Variants in MAP1LC3B observed in about 807,000 individuals in gnomAD.
MAP1LC3B encodes microtubule associated protein 1 light chain 3 beta, also known as microtubule-associated protein 1 light chain 3 beta.
MAP1LC3B carries 12 observed loss-of-function variants against 16.7 expected under a neutral mutation model. The ratio of observed to expected loss-of-function variants is 0.72; its 90% CI spans 0.46 to 1.16. MAP1LC3B has a LOEUF of 1.16. Among genes scored for constraint, MAP1LC3B ranks in the 50% most tolerant of loss-of-function variants. The pLI is 0.00. For synonymous variants in MAP1LC3B, 63 were observed against 56.5 expected, an observed-to-expected ratio of 1.11 and a Z score of -0.51; for missense variants, 155 against 159.5, an observed-to-expected ratio of 0.97 and a Z score of 0.15.
In MAP1LC3B at chr16:87,392,388, C is replaced by T. The variant is rs1202703511; in HGVS notation, c.-40C>T. ...GCCGCCCCCGGGAGCCGCCGGGACCCTCGCGTCGTCGCCGCCGCCGCCGCC... is the reference window on the plus strand; with the variant it reads ...GCCGCCCCCGGGAGCCGCCGGGACCTTCGCGTCGTCGCCGCCGCCGCCGCC... On this transcript the variant is annotated 5_prime_UTR_variant, in exon 1 of 4. Coordinates refer to ENST00000268607, the MANE Select transcript of MAP1LC3B (RefSeq NM_022818.5). The T allele has an allele frequency of 2.8e-6, 4 of 1,411,850 alleles. No individual in the cohort carries two copies. Among genetic ancestry groups the T allele is most frequent in the East Asian group, 6.2e-5 (2 of 32,338 alleles). 87.5% of individuals were successfully genotyped at this position (1,411,850 alleles called of 1,614,324 possible).
chr16:87,403,063 C>T lies in MAP1LC3B; in HGVS notation c.344C>T (p.Ser115Phe), dbSNP rs1908052291. 1.9e-6 allele frequency: 3 copies of T among 1,612,908 alleles called. No individual in the cohort carries two copies. The highest frequency in any genetic ancestry group is 1.1e-5 in the South Asian group (1 of 90,588). The stretch of plus-strand genomic sequence containing the variant: ...GGATTCCTGTACATGGTCTATGCCT[C>T]CCAGGAGACGTTCGGGATGAAATTG... ...EDGFLYMVYA[S>F]QETFGMKLSV Residue 115 changes from serine to phenylalanine, a missense_variant, in exon 4 of 4, where the codon TCC (serine) becomes TTC (phenylalanine). By Grantham distance (155) the Ser-to-Phe change is radical. Coordinates refer to ENST00000268607, the MANE Select transcript of MAP1LC3B (RefSeq NM_022818.5).
intron 2 of MAP1LC3B, among the ~76,000 whole-genome samples, chr16:87,401,631 C>T (rs956536966): frequency 2.6e-5 from 4 of 152,118 alleles, no homozygotes; most frequent in African/African-American, 9.7e-5. Context: ...CTCCTAGGTT[C>T]AAGCTTGTCT....
intron 1 of MAP1LC3B, 114 bp downstream of exon 1, chr16:87,392,581 G>A (rs1293717658): frequency 3.0e-6 from 3 of 996,560 alleles, no homozygotes; most frequent in Non-Finnish European, 2.5e-6. Flanking sequence ...GCCGAGCGGG[G>A]CCGGTGGCTG....
At chr16:87,393,007 C>T (rs1352031242) in intron 1 of MAP1LC3B, 2 of 152,208 alleles carry the variant, frequency 1.3e-5, no homozygotes, top group Admixed American at 6.5e-5. Context: ...GACCTCAGTG[C>T]CTCGGTCGAG....
chr16:87,403,492 A>G lies in MAP1LC3B; in HGVS notation c.*395A>G, dbSNP rs1820245. On this transcript the variant is annotated 3_prime_UTR_variant, in exon 4 of 4. Coordinates refer to ENST00000268607, the MANE Select transcript of MAP1LC3B (RefSeq NM_022818.5). Reference sequence around the variant, plus strand: ...CCTGAGTCTTCTCTTCAGGTTCACAAAACCCGCCGCCTTTTTGGGTAGAAG... The same window carrying G: ...CCTGAGTCTTCTCTTCAGGTTCACAGAACCCGCCGCCTTTTTGGGTAGAAG... 0.99 allele frequency: 164,285 copies of G among 166,338 alleles called. 81,170 individuals carry two copies. The highest frequency in any genetic ancestry group is 1 in the East Asian group (5,428 of 5,428). 10.3% of individuals were successfully genotyped at this position (166,338 alleles called of 1,614,324 possible). A position where few individuals can be genotyped will look rare whatever the true frequency, so the allele number is the denominator to read the frequency against.
chr16:87,395,323 C>T (rs189759467), intron 1 of MAP1LC3B, among the ~76,000 whole-genome samples: 3 of 152,240 alleles, frequency 2.0e-5, no homozygotes, highest in Non-Finnish European at 2.9e-5. Flanking sequence ...AGCTTTCATT[C>T]AGTTGTTGAT....
rs767766144 is a variant in MAP1LC3B, at chr16:87,403,658, TA to T, written c.*564del. On this transcript the variant is annotated 3_prime_UTR_variant, in exon 4 of 4. Transcript: ENST00000268607. ...CTGTGTGAGAAAACGGCCCTGACTGTAAACTGCTGAAGGTCCCTGACTCCTA... is the reference window on the plus strand; with the variant it reads ...CTGTGTGAGAAAACGGCCCTGACTGTAACTGCTGAAGGTCCCTGACTCCTA... 1 of 152,510 alleles carries T rather than the reference TA, an allele frequency of 6.6e-6. No individual in the cohort carries two copies. The highest frequency in any genetic ancestry group is 1.5e-5 in the Non-Finnish European group (1 of 68,286). The allele number at this position is 152,510 out of a possible 1,614,324, so 9.4% of individuals were successfully genotyped here.
At chr16:87,399,797 G>A (rs150643817) in intron 2 of MAP1LC3B, 5,983 of 303,558 alleles carry the variant, frequency 0.02, 99 homozygotes, top group Admixed American at 0.05. Flanking sequence ...ATTTTGAGAC[G>A]GAGTCTTGCT....
chr16:87,397,233 G>C (rs1401905926), intron 1 of MAP1LC3B, among the ~76,000 whole-genome samples: 3 of 152,224 alleles, frequency 2.0e-5, no homozygotes, highest in Admixed American at 2.0e-4. Flanking sequence ...ATGTATCTTA[G>C]AAGCTGATTT....
Position 87,403,017 on chromosome 16 carries a change from G to C in MAP1LC3B, c.298G>C (p.Glu100Gln). ...SVSTPISEVY[E>Q]SEKDEDGFLY... ...CTCCACACCAATCTCAGAGGTGTAT[G>C]AGAGTGAGAAAGATGAAGATGGATT... Residue 100 changes from glutamate (E) to glutamine (Q), a missense_variant, in exon 4 of 4, where the codon GAG (glutamate) becomes CAG (glutamine). Physicochemically the swap from Glu to Gln is conservative, Grantham distance 29. Transcript: ENST00000268607. 2.5e-6 allele frequency: 4 copies of C among 1,614,158 alleles called. No individual in the cohort carries two copies. The highest frequency in any genetic ancestry group is 3.4e-6 in the Non-Finnish European group (4 of 1,179,996).
chr16:87,403,251 T>C lies in MAP1LC3B; in HGVS notation c.*154T>C, dbSNP rs1908061456. On this transcript the variant is annotated 3_prime_UTR_variant, in exon 4 of 4. Coordinates refer to ENST00000268607, the MANE Select transcript of MAP1LC3B (RefSeq NM_022818.5). ...AGTGTTAGGAAGTTGTGTTTGTGTT[T>C]CAAGCAGAAAAACTGAGCTCCAAGT... The C allele has an allele frequency of 7.6e-6, 6 of 789,918 alleles. No homozygotes were observed. Among genetic ancestry groups the C allele is most frequent in the Non-Finnish European group, 1.2e-5 (6 of 521,560 alleles). 48.9% of individuals were successfully genotyped at this position (789,918 alleles called of 1,614,324 possible).
chr16:87,392,978 G>A, intron 1 of MAP1LC3B: 1 of 152,446 alleles, frequency 6.6e-6, no homozygotes, highest in Non-Finnish European at 1.5e-5. Flanking sequence ...AGCCCGCCCG[G>A]GTGCGAGTGC....
At chr16:87,401,940 C>G (rs1226943405) in intron 2 of MAP1LC3B, among the ~76,000 whole-genome samples, 2 of 152,078 alleles carry the variant, frequency 1.3e-5, no homozygotes, top group Non-Finnish European at 2.9e-5. Flanking sequence ...TCACGCCATT[C>G]TCCTGCCTCA....
intron 1 of MAP1LC3B, among the ~76,000 whole-genome samples, chr16:87,395,827 A>C (rs1250274395): frequency 6.8e-6 from 1 of 146,814 alleles, no homozygotes; most frequent in East Asian, 2.0e-4. Flanking sequence ...TTGAAACTTC[A>C]TAGAGCCTGT....
intron 1 of MAP1LC3B, among the ~76,000 whole-genome samples, chr16:87,397,776 C>T (rs1907856379): frequency 6.6e-6 from 1 of 151,916 alleles, no homozygotes; most frequent in Non-Finnish European, 1.5e-5. Flanking sequence ...TCAATCCTAC[C>T]ATAGTAAATC....
chr16:87,392,441 A>T lies in MAP1LC3B; in HGVS notation c.14A>T (p.Lys5Met). ...GATCCCTGCACCATGCCGTCGGAGA[A>T]GACCTTCAAGCAGCGCCGCACCTTC... MPSEKTFKQRRTFEQ... is the reference protein window; with the variant it reads MPSEMTFKQRRTFEQ... Residue 5 changes from lysine to methionine, a missense_variant, in exon 1 of 4, where the codon AAG becomes ATG. By Grantham distance (95) the Lys-to-Met change is moderately conservative (BLOSUM62 -1). Transcript: ENST00000268607. The T allele has an allele frequency of 1.4e-6, 2 of 1,415,082 alleles. No homozygotes were observed. The highest frequency in any genetic ancestry group is 1.8e-6 in the Non-Finnish European group (2 of 1,093,798). The allele number at this position is 1,415,082 out of a possible 1,614,324, so 87.7% of individuals were successfully genotyped here.
At position 87,402,753 on chromosome 16, in the gene MAP1LC3B, T is replaced by A; in HGVS notation, c.204-170T>A. 5 of 783,416 alleles carry A rather than the reference T, an allele frequency of 6.4e-6. No individual in the cohort carries two copies. In the South Asian group the frequency reaches 9.3e-5, roughly 15 times the overall value. The allele number at this position is 783,416 out of a possible 1,614,324, so 48.5% of individuals were successfully genotyped here. On this transcript the variant is annotated intron_variant, in intron 3 of 3. Transcript: ENST00000268607. ...TATGTAATCTTTCAGTGATTATAGC[T>A]CATGTCAATATAATCAAAGGAAGTG...
chr16:87,401,126 C>A (rs181885196), intron 2 of MAP1LC3B, among the ~76,000 whole-genome samples: 1 of 94,366 alleles, frequency 1.1e-5, no homozygotes, highest in African/African-American at 3.6e-5. Context: ...GAGCAAGACT[C>A]TGTCTCAAAA....
rs1304485144 is a variant in MAP1LC3B, at chr16:87,403,876, A to T, written c.*779A>T. 1.3e-5 allele frequency: 2 copies of T among 152,164 alleles called. No individual in the cohort carries two copies. Among genetic ancestry groups the T allele is most frequent in the Admixed American group, 6.5e-5 (1 of 15,274 alleles). 9.4% of individuals were successfully genotyped at this position (152,164 alleles called of 1,614,324 possible). On this transcript the variant is annotated 3_prime_UTR_variant, in exon 4 of 4. Coordinates refer to ENST00000268607, the MANE Select transcript of MAP1LC3B (RefSeq NM_022818.5). Reference sequence around the variant, plus strand: ...CTGTTTCAGGTTTTGTCTGAGTTCAAACTAGTGCCTGTGTTGTTACGGAAA... The same window carrying T: ...CTGTTTCAGGTTTTGTCTGAGTTCATACTAGTGCCTGTGTTGTTACGGAAA...
Sources: allele counts gnomAD v4.1 joint callset (sites outside exome capture counted in the v4.1 genomes callset), GRCh38; gene constraint gnomAD v4.1.1; transcripts MANE v1.5; gene names NCBI Gene and HGNC (gene_info 2026-07-23, HGNC 2026-07-21).